The following DAB1 variants were observed in gnomAD, a reference collection of about 807,000 sequenced individuals.
DAB1 encodes the protein disabled homolog 1.
Under a neutral mutation model 64.6 loss-of-function variants are expected in DAB1, and 15 were observed. That is an observed-to-expected ratio of 0.23 (90% CI 0.16 to 0.36). The LOEUF (loss-of-function observed/expected upper bound fraction) is 0.36, where lower values mean the gene tolerates loss of function less well. Ranked by LOEUF, DAB1 falls within the 10% of genes least tolerant of loss-of-function variation. The pLI, the probability that DAB1 is intolerant of heterozygous loss-of-function variation, is 1.00. For missense variants in DAB1, 596 were observed against 706.7 expected, an observed-to-expected ratio of 0.84 and a Z score of 1.78; for synonymous variants, 235 against 251.9, an observed-to-expected ratio of 0.93 and a Z score of 0.64.
upstream of DAB1, among the ~76,000 whole-genome samples, chr1:57,887,345 A>G (rs1440585680): frequency 7.7e-6 from 1 of 130,654 alleles, no homozygotes; most frequent in Non-Finnish European, 1.7e-5. Context: ...ACACTACTGA[A>G]ATAAGCCAGG....
intron 5 of DAB1, among the ~76,000 whole-genome samples, chr1:58,107,662 G>A (rs1271860331): frequency 1.3e-5 from 2 of 151,774 alleles, no homozygotes; most frequent in Non-Finnish European, 2.9e-5. Flanking sequence ...TGTCACCCAT[G>A]CTGAAGTGCA....
intron 4 of DAB1, among the ~76,000 whole-genome samples, chr1:58,151,012 G>A (rs975866845): frequency 4.6e-5 from 7 of 152,122 alleles, no homozygotes; most frequent in Non-Finnish European, 8.8e-5. Flanking sequence ...TCCCTACAAA[G>A]GACATGAACC....
chr1:57,506,747 G>A (rs1466061312), intron 7 of DAB1, among the ~76,000 whole-genome samples: 1 of 151,992 alleles, frequency 6.6e-6, no homozygotes, highest in Non-Finnish European at 1.5e-5. Flanking sequence ...ACCCATCTCT[G>A]TCCTCCCAGT....
chr1:58,249,917 G>C (rs1225765236), intron 4 of DAB1, among the ~76,000 whole-genome samples: 6 of 152,206 alleles, frequency 3.9e-5, no homozygotes, highest in Non-Finnish European at 5.9e-5. Flanking sequence ...TGCAGCCGCC[G>C]CCTTCCCGCT....
chr1:57,099,116 A>G (rs1654436882), intron 4 of DAB1, among the ~76,000 whole-genome samples: 1 of 152,182 alleles, frequency 6.6e-6, no homozygotes, highest in Admixed American at 6.5e-5. Context: ...CCATTTACTC[A>G]ATCAATACAT....
chr1:58,068,765 CAAA>C (rs35122490), intron 5 of DAB1, among the ~76,000 whole-genome samples: 1 of 85,402 alleles, frequency 1.2e-5, no homozygotes, highest in African/African-American at 4.0e-5. Flanking sequence ...GACTCCATCT[CAAA>C]AAAAAAAAAA....
chr1:57,428,459 A>C (rs1685372744), upstream of DAB1, among the ~76,000 whole-genome samples: 1 of 152,188 alleles, frequency 6.6e-6, no homozygotes, highest in African/African-American at 2.4e-5. Flanking sequence ...AATGTCCCCT[A>C]GGTTCATTCA....
intron 2 of DAB1, among the ~76,000 whole-genome samples, chr1:57,147,034 C>CTT (rs71681386): frequency 1.4e-5 from 2 of 143,556 alleles, no homozygotes. Context: ...CACTGTTTTT[C>CTT]TTTTTTTTTT....
intron 1 of DAB1, among the ~76,000 whole-genome samples, chr1:57,843,567 A>G (rs943185689): frequency 1.3e-5 from 2 of 152,182 alleles, no homozygotes; most frequent in Non-Finnish European, 2.9e-5. Context: ...ATTCTTAGAC[A>G]TCAGCCAAAA....
intron 1 of DAB1, among the ~76,000 whole-genome samples, chr1:57,395,522 A>T (rs1368805679): frequency 6.6e-6 from 1 of 152,148 alleles, no homozygotes; most frequent in Non-Finnish European, 1.5e-5. Context: ...TTTACCTATG[A>T]CACCCTACTT....
chr1:57,131,885 C>T (rs925514685), intron 4 of DAB1, among the ~76,000 whole-genome samples: 1 of 152,008 alleles, frequency 6.6e-6, no homozygotes, highest in Non-Finnish European at 1.5e-5. Flanking sequence ...TTAGCGGGCA[C>T]CAGCTATGTG....
chr1:58,109,795 G>T (rs1342649952), intron 5 of DAB1, among the ~76,000 whole-genome samples: 1 of 151,254 alleles, frequency 6.6e-6, no homozygotes, highest in African/African-American at 2.4e-5. Context: ...AGCTGAATAA[G>T]CAAAAAGAGC....
At chr1:57,081,147 G>A (rs1263412105) in intron 4 of DAB1, among the ~76,000 whole-genome samples, 2 of 152,134 alleles carry the variant, frequency 1.3e-5, no homozygotes, top group African/African-American at 4.8e-5. Context: ...TGGCTTTGTG[G>A]CCATGAACAA....
chr1:57,024,456 CT>C (rs918389209), intron 10 of DAB1, among the ~76,000 whole-genome samples: 3 of 152,084 alleles, frequency 2.0e-5, no homozygotes, highest in East Asian at 1.9e-4. Context: ...CTGTAATATC[CT>C]TTTTTTTCCC....
Position 57,644,220 on chromosome 1 carries a change from C to T in DAB1, n.625+5372G>A, listed in dbSNP as rs76834245. 5.6e-3 allele frequency among the ~76,000 whole-genome samples: 853 copies of T among 152,020 alleles called. 9 individuals are homozygous for T. The highest frequency in any genetic ancestry group is 0.019 in the African/African-American group (788 of 41,446). On this transcript the variant is annotated intron_variant and non_coding_transcript_variant, in intron 7 of 20. Coordinates refer to the DAB1 transcript ENST00000485760. ...GCCTGATTTGGAAGTTCAAAAGAGG[C>T]GAGAAACTAGACAGAATGAACTGGA...
intron 4 of DAB1, among the ~76,000 whole-genome samples, chr1:57,072,879 T>C (rs1461383078): frequency 6.6e-6 from 1 of 152,226 alleles, no homozygotes; most frequent in African/African-American, 2.4e-5. Flanking sequence ...GTGACAACAC[T>C]TTTCCAGCTG....
chr1:57,009,358 G>A (rs539453131), intron 14 of DAB1, among the ~76,000 whole-genome samples: 168 of 152,314 alleles, frequency 1.1e-3, no homozygotes, highest in Admixed American at 2.2e-3. Flanking sequence ...TAAGTGAATC[G>A]TAGGTGGTTT....
intron 4 of DAB1, among the ~76,000 whole-genome samples, chr1:58,323,312 G>C (rs1662739114): frequency 6.6e-6 from 1 of 151,528 alleles, no homozygotes. Context: ...TTGGTATCAG[G>C]GTGAGTTTAT....
chr1:58,048,576 T>G, intron 5 of DAB1: 2 of 1,009,062 alleles, frequency 2.0e-6, no homozygotes, highest in Non-Finnish European at 3.1e-6. Flanking sequence ...CCATCCCCAC[T>G]GCCACCATAT....
Sources: allele counts gnomAD v4.1 joint callset (sites outside exome capture counted in the v4.1 genomes callset), GRCh38; gene constraint gnomAD v4.1.1; transcripts MANE v1.5; gene names NCBI Gene and HGNC (gene_info 2026-07-23, HGNC 2026-07-21).